Variants in TENM3 observed in about 807,000 individuals in gnomAD.
TENM3 encodes teneurin-3.
TENM3 carries 63 observed loss-of-function variants against 255.1 expected under a neutral mutation model. The observed-to-expected ratio is 0.25, with a 90% CI of 0.20 to 0.30. The LOEUF is 0.30. Among genes scored for constraint, TENM3 ranks in the 10% least tolerant of loss-of-function variants. TENM3 has a pLI of 1.00. For missense variants in TENM3, 2,929 were observed against 3,461.1 expected, an observed-to-expected ratio of 0.85 and a Z score of 3.86; for synonymous variants, 1,306 against 1,322.3, an observed-to-expected ratio of 0.99 and a Z score of 0.27.
At chr4:181,667,774 G>A in the TENM3 span, among the ~76,000 whole-genome samples, 1 of 152,098 alleles carries the variant, frequency 6.6e-6, no homozygotes, top group African/African-American at 2.4e-5. Context: ...TAGCCTCACA[G>A]AATGGGCTAA....
chr4:182,398,614 A>T (rs548059343), intron 3 of TENM3, among the ~76,000 whole-genome samples: 1 of 152,226 alleles, frequency 6.6e-6, no homozygotes, highest in Non-Finnish European at 1.5e-5. Context: ...ATAAAATCTC[A>T]TCTACATACT....
At chr4:182,210,299 C>G (rs192801152) in intron 1 of TENM3, among the ~76,000 whole-genome samples, 6 of 152,192 alleles carry the variant, frequency 3.9e-5, no homozygotes, top group African/African-American at 1.4e-4. Context: ...TTCAGCACCT[C>G]AACATTGAAA....
intron 3 of TENM3, among the ~76,000 whole-genome samples, chr4:182,388,721 G>C (rs889687322): frequency 3.9e-5 from 6 of 152,166 alleles, no homozygotes; most frequent in Admixed American, 3.9e-4. Flanking sequence ...GTATTATCAT[G>C]CTTTTGAATC....
chr4:182,012,939 T>A, the TENM3 span: 8 of 152,170 alleles, frequency 5.3e-5, no homozygotes, highest in African/African-American at 1.4e-4. Flanking sequence ...TCTTTTTTTT[T>A]AGAGCCCGTT....
chr4:181,881,811 T>C, the TENM3 span, among the ~76,000 whole-genome samples: 1 of 152,102 alleles, frequency 6.6e-6, no homozygotes, highest in Non-Finnish European at 1.5e-5. Context: ...GTTGCAAAAA[T>C]TGTAACATGT....
chr4:182,655,597 T>C (rs1753683993), intron 6 of TENM3, among the ~76,000 whole-genome samples: 1 of 152,176 alleles, frequency 6.6e-6, no homozygotes. Flanking sequence ...CTTTGTAACT[T>C]TGGGCGGCGT....
rs141344153 is a variant in TENM3 at position 182,600,868 on chromosome 4, CAT to C, written c.512-42_512-41del. 1.7e-3 allele frequency: 1,080 copies of C among 623,098 alleles called. 5 individuals carry two copies. The highest frequency in any genetic ancestry group is 5.7e-3 in the South Asian group (237 of 41,604). 38.6% of individuals were successfully genotyped at this position (623,098 alleles called of 1,614,324 possible). ...CCAAGAAATTGGTAGTGTGTATATA[CAT>C]ATATATATATATAATGAGTTCTCTT... On this transcript the variant is annotated intron_variant, in intron 3 of 27. Transcript: ENST00000511685.
the TENM3 span, among the ~76,000 whole-genome samples, chr4:182,100,568 T>TATATATACACACACATATATATACACAC: frequency 8.3e-6 from 1 of 120,884 alleles, no homozygotes; most frequent in African/African-American, 3.5e-5. Flanking sequence ...TATACACACA[T>TATATATACACACACATATATATACACAC]ATATATACAC....
the TENM3 span, among the ~76,000 whole-genome samples, chr4:181,849,110 T>G: frequency 0.017 from 2,596 of 152,174 alleles, 43 homozygotes; most frequent in Middle Eastern, 0.048. Context: ...CAGTGAGGGG[T>G]CTTCCAGAGA....
the TENM3 span, among the ~76,000 whole-genome samples, chr4:181,842,419 A>C: frequency 1.3e-5 from 2 of 152,182 alleles, no homozygotes; most frequent in East Asian, 3.8e-4. Flanking sequence ...TATTCTTATA[A>C]CAAGCTTTTA....
the TENM3 span, among the ~76,000 whole-genome samples, chr4:182,070,119 G>A: frequency 2.0e-5 from 3 of 152,156 alleles, no homozygotes; most frequent in African/African-American, 7.2e-5. Context: ...GAAATTCCAG[G>A]TGTCTGAATT....
chr4:181,806,560 C>T, the TENM3 span, among the ~76,000 whole-genome samples: 1 of 152,330 alleles, frequency 6.6e-6, no homozygotes, highest in Admixed American at 6.5e-5. Context: ...AAAAGGGCTT[C>T]TTGGCTCTTC....
chr4:181,815,462 C>CAAAAAAAAAAA, the TENM3 span, among the ~76,000 whole-genome samples: 98 of 81,846 alleles, frequency 1.2e-3, 1 homozygote, highest in African/African-American at 2.7e-3. Flanking sequence ...GACTCCCTAT[C>CAAAAAAAAAAA]AAAAAAAAAA....
the TENM3 span, among the ~76,000 whole-genome samples, chr4:181,964,605 A>G: frequency 6.7e-6 from 1 of 150,260 alleles, no homozygotes; most frequent in African/African-American, 2.5e-5. Flanking sequence ...AAAAAAAAAT[A>G]GCCATTCTGA....
chr4:181,954,389 A>G, the TENM3 span, among the ~76,000 whole-genome samples: 78 of 152,350 alleles, frequency 5.1e-4, no homozygotes. Context: ...ATTCCTACCA[A>G]TAATCTGTGA....
At chr4:181,909,293 G>T in the TENM3 span, among the ~76,000 whole-genome samples, 5 of 152,220 alleles carry the variant, frequency 3.3e-5, no homozygotes, top group East Asian at 9.6e-4. Flanking sequence ...CTGTGATTTC[G>T]AATATCTTTA....
chr4:182,336,426 C>T (rs1317583065), intron 2 of TENM3, among the ~76,000 whole-genome samples: 3 of 151,498 alleles, frequency 2.0e-5, no homozygotes, highest in Non-Finnish European at 4.4e-5. Context: ...GTGAAATAAA[C>T]AATAACACAA....
At chr4:181,473,572 A>G in the TENM3 span, among the ~76,000 whole-genome samples, 1 of 152,018 alleles carries the variant, frequency 6.6e-6, no homozygotes, top group Non-Finnish European at 1.5e-5. Context: ...AGCCTGGGTG[A>G]CAGAGTGAGA....
chr4:182,230,812 CTATATATATA>C (rs55642239), intron 1 of TENM3, among the ~76,000 whole-genome samples: 709 of 58,026 alleles, frequency 0.012, 15 homozygotes, highest in East Asian at 0.024. Context: ...GTTTCTCAAA[CTATATATATA>C]TATATATATA....
Sources: allele counts gnomAD v4.1 joint callset (sites outside exome capture counted in the v4.1 genomes callset), GRCh38; gene constraint gnomAD v4.1.1; transcripts MANE v1.5; gene names NCBI Gene and HGNC (gene_info 2026-07-23, HGNC 2026-07-21).